The following MYT1L variants were observed in gnomAD, a reference collection of about 807,000 sequenced individuals.
The protein encoded by MYT1L is myelin transcription factor 1 like, also known as myelin transcription factor 1-like protein.
Under a neutral mutation model 126.7 loss-of-function variants are expected in MYT1L, and 12 were observed. The observed-to-expected ratio is 0.09, with a 90% confidence interval of 0.06 to 0.15. The LOEUF is 0.15. Ranked by LOEUF, MYT1L falls within the 10% of genes least tolerant of loss-of-function variation. The pLI, the probability that MYT1L is intolerant of heterozygous loss-of-function variation, is 1.00. For synonymous variants in MYT1L, 541 were observed against 604.2 expected (o/e 0.90, Z 1.53); for missense variants, 979 against 1,585.2 (o/e 0.62, Z 6.49).
intron 4 of MYT1L, among the ~76,000 whole-genome samples, chr2:2,007,703 G>A (rs991581241): frequency 5.3e-5 from 8 of 152,112 alleles, no homozygotes; most frequent in Non-Finnish European, 1.0e-4. Context: ...GTCCTTCCAT[G>A]TGTGAGGTGG....
chr2:2,081,326 G>T (rs563655019), intron 3 of MYT1L, among the ~76,000 whole-genome samples: 1 of 152,158 alleles, frequency 6.6e-6, no homozygotes, highest in African/African-American at 2.4e-5. Flanking sequence ...ATTTATTAAC[G>T]GCTGTATAAA....
At chr2:2,122,376 G>A (rs895775975) in intron 3 of MYT1L, among the ~76,000 whole-genome samples, 7 of 152,160 alleles carry the variant, frequency 4.6e-5, no homozygotes, top group Admixed American at 2.0e-4. Context: ...GAGGTGCTCA[G>A]AGCAGTGGCT....
At chr2:2,178,859 C>T (rs1460034298) in intron 2 of MYT1L, among the ~76,000 whole-genome samples, 5 of 152,154 alleles carry the variant, frequency 3.3e-5, no homozygotes, top group Admixed American at 3.3e-4. Flanking sequence ...GGTATGCAGT[C>T]CCCATCACTC....
intron 9 of MYT1L, among the ~76,000 whole-genome samples, chr2:1,937,264 C>T (rs1302876614): frequency 1.3e-5 from 2 of 152,248 alleles, no homozygotes; most frequent in East Asian, 1.9e-4. Context: ...AGAGCAGCTG[C>T]AGCCATCATT....
In MYT1L at chr2:1,912,404, G is replaced by C. The variant is rs2052159120; in HGVS notation, c.1619-294C>G. 6.6e-6 allele frequency among the ~76,000 whole-genome samples: 1 copy of C among 152,210 alleles called. No homozygotes were observed. Among genetic ancestry groups the C allele is most frequent in the Admixed American group, 6.5e-5 (1 of 15,282 alleles). ...TCTATGCTAAGGGCCTCACACAGCA[G>C]AGGCGCTGGAGCCAGGAGCTGGGGA... is the stretch of plus-strand genomic sequence containing the variant. On this transcript the variant is annotated intron_variant, in intron 11 of 24. Coordinates refer to ENST00000647738, the MANE Select transcript of MYT1L (RefSeq NM_001303052.2). This position sits in a 1 kb window ranked among gnomAD's most constrained non-coding sequence, Gnocchi z 4.3.
At chr2:2,187,570 G>C (rs959982092) in intron 2 of MYT1L, among the ~76,000 whole-genome samples, 1 of 151,746 alleles carries the variant, frequency 6.6e-6, no homozygotes, top group Non-Finnish European at 1.5e-5. Flanking sequence ...CAAACAAGCA[G>C]ATGAGTGGCA....
intron 3 of MYT1L, among the ~76,000 whole-genome samples, chr2:2,098,383 T>A (rs2077685008): frequency 6.6e-6 from 1 of 152,220 alleles, no homozygotes; most frequent in African/African-American, 2.4e-5. Context: ...CTGTCTTAAG[T>A]CACACAGTGT....
intron 2 of MYT1L, among the ~76,000 whole-genome samples, chr2:2,272,219 C>T (rs532338473): frequency 3.9e-5 from 6 of 151,954 alleles, no homozygotes; most frequent in Admixed American, 1.3e-4. Context: ...AAGTCAAAGA[C>T]GACAGGCACC....
chr2:1,870,572 T>C (rs1318354592), intron 18 of MYT1L, among the ~76,000 whole-genome samples: 1 of 152,164 alleles, frequency 6.6e-6, no homozygotes, highest in Non-Finnish European at 1.5e-5. Context: ...AAGACCTCAT[T>C]TGGAAAGAAT....
In MYT1L at chr2:2,020,130, C is replaced by G. The variant is rs146694846; in HGVS notation, c.-157-22783G>C. The stretch of plus-strand genomic sequence containing the variant: ...AAAGTGCTGAGATTACAGGTGTGAG[C>G]CACCATGCCCAGCCGCCAGTGTAAT... On this transcript the variant is annotated intron_variant, in intron 4 of 24. Coordinates refer to ENST00000647738, the MANE Select transcript of MYT1L (RefSeq NM_001303052.2). 1.5e-3 allele frequency among the ~76,000 whole-genome samples: 225 copies of G among 152,290 alleles called. 2 individuals are homozygous for G. The highest frequency in any genetic ancestry group is 2.7e-3 in the Non-Finnish European group (185 of 68,034).
intron 2 of MYT1L, among the ~76,000 whole-genome samples, chr2:2,186,346 C>T (rs1160303980): frequency 6.6e-6 from 1 of 152,230 alleles, no homozygotes; most frequent in Non-Finnish European, 1.5e-5. Context: ...GGGACGCAGC[C>T]GGGCCTTCCC....
intron 5 of MYT1L, among the ~76,000 whole-genome samples, chr2:1,985,606 C>A (rs1314177778): frequency 1.3e-5 from 2 of 152,206 alleles, no homozygotes; most frequent in African/African-American, 4.8e-5. Context: ...AGAATGACAA[C>A]AACACGTATT....
intron 2 of MYT1L, among the ~76,000 whole-genome samples, chr2:2,278,211 A>G (rs2095394933): frequency 6.6e-6 from 1 of 152,238 alleles, no homozygotes; most frequent in South Asian, 2.1e-4. Context: ...CGTGTGACAC[A>G]CAGCAACTCA....
In MYT1L at chr2:2,128,089, A is replaced by G. The variant is rs1463742277; in HGVS notation, c.-304+44783T>C. The stretch of plus-strand genomic sequence containing the variant: ...ACAACTGTCCTTTCCTGACGTTAAG[A>G]AAGATAGTGATGCAAACCAGAAAGG... On this transcript the variant is annotated intron_variant, in intron 3 of 24. Transcript: ENST00000647738. Among the ~76,000 whole-genome samples, 4 of 152,328 alleles carry G rather than the reference A, an allele frequency of 2.6e-5. No individual in the cohort carries two copies. In the East Asian group the frequency reaches 7.7e-4, roughly 29 times the overall value.
intron 10 of MYT1L, among the ~76,000 whole-genome samples, chr2:1,920,051 A>G (rs778114678): frequency 1.3e-5 from 2 of 152,194 alleles, no homozygotes; most frequent in African/African-American, 4.8e-5. Context: ...AACTACAGAC[A>G]TCTCGAAGGA....
At chr2:1,833,693 C>A (rs2148313264) in intron 21 of MYT1L, among the ~76,000 whole-genome samples, 1 of 152,316 alleles carries the variant, frequency 6.6e-6, no homozygotes, top group African/African-American at 2.4e-5. Context: ...TGTGTGTGCC[C>A]AGGAGCCGGG....
intron 4 of MYT1L, among the ~76,000 whole-genome samples, chr2:2,019,384 G>A (rs1574563369): frequency 6.6e-6 from 1 of 152,092 alleles, no homozygotes; most frequent in Non-Finnish European, 1.5e-5. Context: ...GTGGAACTGT[G>A]AGTCAATTAA....
intron 18 of MYT1L, among the ~76,000 whole-genome samples, chr2:1,854,259 C>T (rs1447232517): frequency 2.0e-5 from 3 of 151,860 alleles, no homozygotes; most frequent in Middle Eastern, 3.4e-3. Flanking sequence ...TGGAGGGTGG[C>T]GGGGGAACAC....
intron 4 of MYT1L, among the ~76,000 whole-genome samples, chr2:2,041,642 GC>G (rs1251993102): frequency 6.6e-6 from 1 of 152,092 alleles, no homozygotes; most frequent in Admixed American, 6.5e-5. Context: ...CCCATGGCCG[GC>G]CCCAGGAGGA....
Sources: gnomAD v4.1 joint callset for allele counts (sites outside exome capture counted in the v4.1 genomes callset) on GRCh38, gnomAD v4.1.1 for gene constraint, Gnocchi (gnomAD v3.1) non-coding constraint, MANE v1.5 for transcripts, NCBI Gene and HGNC (gene_info 2026-07-23, HGNC 2026-07-21) for gene names.